MARCHF1: variants seen among roughly 807,000 people sequenced by gnomAD.
MARCHF1 encodes the protein membrane associated ring-CH-type finger 1.
In MARCHF1, 40 loss-of-function variants were observed where a neutral mutation model predicts 54.2. The ratio of observed to expected loss-of-function variants is 0.74; its 90% confidence interval spans 0.57 to 0.96. The LOEUF (loss-of-function observed/expected upper bound fraction) is 0.96. Ranked by LOEUF, MARCHF1 falls within the 40% of genes least tolerant of loss-of-function variation. MARCHF1 has a pLI of 0.00. For missense variants in MARCHF1, 586 were observed against 656.5 expected (o/e 0.89, Z 1.17); for synonymous variants, 236 against 236.3 (o/e 1.00, Z 0.01).
chr4:164,164,794 T>A (rs1730328225), intron 1 of MARCHF1, among the ~76,000 whole-genome samples: 3 of 152,028 alleles, frequency 2.0e-5, no homozygotes, highest in African/African-American at 7.2e-5. Context: ...TACATACATA[T>A]CCGGAAGTTA....
intron 2 of MARCHF1, among the ~76,000 whole-genome samples, chr4:164,014,499 A>C (rs1005676821): frequency 2.0e-5 from 3 of 152,164 alleles, no homozygotes; most frequent in African/African-American, 7.2e-5. Flanking sequence ...GAACACCCAA[A>C]CAACCACAAA....
At chr4:163,601,583 T>C (rs1740967045) in intron 7 of MARCHF1, among the ~76,000 whole-genome samples, 1 of 152,086 alleles carries the variant, frequency 6.6e-6, no homozygotes, top group Non-Finnish European at 1.5e-5. Context: ...TCTATATGAT[T>C]GGATATTCAA....
chr4:163,962,458 T>A (rs1752360408), intron 3 of MARCHF1, among the ~76,000 whole-genome samples: 1 of 151,866 alleles, frequency 6.6e-6, no homozygotes, highest in Admixed American at 6.6e-5. Flanking sequence ...AATTTACAGG[T>A]CCATAGTTCT....
chr4:164,307,064 T>C (rs1007071546), intron 1 of MARCHF1, among the ~76,000 whole-genome samples: 3 of 152,150 alleles, frequency 2.0e-5, no homozygotes, highest in South Asian at 2.1e-4. Context: ...TGGAAAAATA[T>C]AACTCTTGCT....
intron 3 of MARCHF1, among the ~76,000 whole-genome samples, chr4:163,917,869 G>T (rs1353317600): frequency 6.6e-6 from 1 of 152,152 alleles, no homozygotes; most frequent in Non-Finnish European, 1.5e-5. Context: ...TGGCTCTGAT[G>T]AAAGTTTCTT....
rs1437922732 is a variant in MARCHF1 at position 163,580,812 on chromosome 4, T to TAGAATCAGGGAGCTTTGAGTTG, written c.1191+4936_1191+4937insCAACTCAAAGCTCCCTGATTCT. On this transcript the variant is annotated intron_variant, in intron 8 of 9. Transcript: ENST00000514618. Reference sequence around the variant, plus strand: ...TAAGTATTAAAGTTTTTTTTTTTTTTTGAGACGGAGTCTCGCTCTGTCGCC... The same window carrying TAGAATCAGGGAGCTTTGAGTTG: ...TAAGTATTAAAGTTTTTTTTTTTTTTAGAATCAGGGAGCTTTGAGTTGTGAGACGGAGTCTCGCTCTGTCGCC... Among the ~76,000 whole-genome samples the TAGAATCAGGGAGCTTTGAGTTG allele has an allele frequency of 4.2e-3, 181 of 42,756 alleles. 6 individuals are homozygous for TAGAATCAGGGAGCTTTGAGTTG. The highest frequency in any genetic ancestry group is 6.5e-3 in the African/African-American group (69 of 10,580). 28.0% of individuals were successfully genotyped at this position (42,756 alleles called of 152,430 possible).
rs1156833277 is a variant in MARCHF1 at position 164,148,735 on chromosome 4, A to T, written c.-322-37073T>A. Among the ~76,000 whole-genome samples, 9 of 152,248 alleles carry T rather than the reference A, an allele frequency of 5.9e-5. No homozygotes were observed. The East Asian group carries it at 1.7e-3, about 29-fold the overall frequency. ...GCTAATTGACCACTGTGCCATTATA[A>T]ATATTACTTTTTTAAAAGATTAATT... On this transcript the variant is annotated intron_variant, in intron 1 of 9. Coordinates refer to ENST00000514618, the MANE Select transcript of MARCHF1 (RefSeq NM_001394959.1).
rs149189357 is a variant in MARCHF1 at position 164,026,107 on chromosome 4, C to A, written c.-247-37398G>T. Among the ~76,000 whole-genome samples, 704 of 151,844 alleles carry A rather than the reference C, an allele frequency of 4.6e-3. 5 individuals are homozygous for A. Among genetic ancestry groups the A allele is most frequent in the African/African-American group, 0.016 (666 of 41,482 alleles). ...AGAAACCTGATAACAACAACAACAACAAAAAATTGCTGGACAAGATGGATT... is the reference window on the plus strand; with the variant it reads ...AGAAACCTGATAACAACAACAACAAAAAAAAATTGCTGGACAAGATGGATT... On this transcript the variant is annotated intron_variant, in intron 2 of 9. Transcript: ENST00000514618.
At chr4:163,864,326 A>G (rs1364534499) in intron 3 of MARCHF1, among the ~76,000 whole-genome samples, 1 of 152,002 alleles carries the variant, frequency 6.6e-6, no homozygotes, top group Non-Finnish European at 1.5e-5. Context: ...ATCATCAGAA[A>G]AAAAAAATCA....
chr4:163,682,363 T>C (rs958263837), intron 5 of MARCHF1, among the ~76,000 whole-genome samples: 9 of 152,148 alleles, frequency 5.9e-5, no homozygotes, highest in African/African-American at 2.2e-4. Flanking sequence ...GCATAAGTAA[T>C]GAGGGGCCGA....
intron 8 of MARCHF1, 46 bp downstream of exon 8, chr4:163,585,703 G>T: frequency 1.4e-6 from 2 of 1,401,426 alleles, no homozygotes; most frequent in Non-Finnish European, 1.9e-6. Flanking sequence ...AAACAAGTCT[G>T]CTTTGCAAAT....
chr4:164,218,101 C>T (rs1048082025), intron 1 of MARCHF1, among the ~76,000 whole-genome samples: 8 of 151,614 alleles, frequency 5.3e-5, no homozygotes, highest in African/African-American at 1.9e-4. Flanking sequence ...CTAAATTTCC[C>T]TGCATAATAA....
At chr4:164,264,502 T>TA in intron 1 of MARCHF1, among the ~76,000 whole-genome samples, 1 of 151,682 alleles carries the variant, frequency 6.6e-6, no homozygotes, top group Non-Finnish European at 1.5e-5. Flanking sequence ...AAAAGAAAAT[T>TA]AAAATCTCCT....
At chr4:163,787,785 T>C (rs1747663166) in intron 4 of MARCHF1, among the ~76,000 whole-genome samples, 1 of 151,962 alleles carries the variant, frequency 6.6e-6, no homozygotes, top group South Asian at 2.1e-4. Flanking sequence ...CCTTGTTCAC[T>C]GAAGCATTAT....
At chr4:163,742,390 CCTTCCTCCCT>C (rs1746227079) in intron 4 of MARCHF1, among the ~76,000 whole-genome samples, 2 of 67,704 alleles carry the variant, frequency 3.0e-5, no homozygotes, top group Non-Finnish European at 3.0e-5. Context: ...CTACCTCCTT[CCTTCCTCCCT>C]TCCTTCCTTC....
chr4:163,561,702 T>C (rs879518331), intron 8 of MARCHF1, among the ~76,000 whole-genome samples: 27 of 152,180 alleles, frequency 1.8e-4, no homozygotes, highest in Admixed American at 1.6e-3. Context: ...ACATCCATGC[T>C]GGGAACCTGG....
intron 1 of MARCHF1, among the ~76,000 whole-genome samples, chr4:164,375,576 A>G (rs1731164773): frequency 6.6e-6 from 1 of 152,170 alleles, no homozygotes; most frequent in African/African-American, 2.4e-5. Context: ...GCTAGGCTGC[A>G]TATTCGATAC....
At chr4:163,833,473 C>T (rs2111104874) in intron 4 of MARCHF1, among the ~76,000 whole-genome samples, 1 of 152,102 alleles carries the variant, frequency 6.6e-6, no homozygotes, top group South Asian at 2.1e-4. Flanking sequence ...ACTCATCTGA[C>T]AAAGGGCTAA....
chr4:163,701,570 T>C (rs930093956), intron 4 of MARCHF1, among the ~76,000 whole-genome samples: 4 of 152,200 alleles, frequency 2.6e-5, no homozygotes, highest in Non-Finnish European at 2.9e-5. Flanking sequence ...GGCCCTCCCG[T>C]TTGAAGCCCA....
Sources: gnomAD v4.1 joint callset for allele counts (sites outside exome capture counted in the v4.1 genomes callset) on GRCh38, gnomAD v4.1.1 for gene constraint, MANE v1.5 for transcripts, NCBI Gene and HGNC (gene_info 2026-07-23, HGNC 2026-07-21) for gene names.